Variants in CAPS2 observed in about 807,000 individuals in gnomAD.
CAPS2 encodes the protein calcyphosine 2, also known as calcyphosin-2.
Under a neutral mutation model 86.5 loss-of-function variants are expected in CAPS2, and 98 were observed. The observed-to-expected ratio is 1.13, with a 90% CI of 0.96 to 1.34. The LOEUF is 1.34. Ranked by LOEUF, CAPS2 falls within the 40% of genes most tolerant of loss-of-function variation. The probability of loss-of-function intolerance (pLI) is 0.00; values close to 1 mark genes in which losing one functional copy is unlikely to be tolerated. For synonymous variants in CAPS2, 210 were observed against 225.1 expected (o/e 0.93, Z 0.60); for missense variants, 729 against 686.8 (o/e 1.06, Z -0.69).
chr12:75,329,485 A>T (rs928402697), upstream of CAPS2, among the ~76,000 whole-genome samples: 3 of 150,382 alleles, frequency 2.0e-5, no homozygotes, highest in African/African-American at 4.9e-5. Context: ...CATTTCCCTC[A>T]TTTTTTTTTA....
At chr12:75,380,468 G>A (rs995033711) in intron 1 of CAPS2, among the ~76,000 whole-genome samples, 8 of 151,916 alleles carry the variant, frequency 5.3e-5, no homozygotes, top group African/African-American at 1.9e-4. Context: ...ATATTCACTG[G>A]GTTTGCTTCT....
upstream of CAPS2, chr12:75,334,600 T>A (rs1269782304): frequency 4.1e-6 from 6 of 1,466,008 alleles, no homozygotes; most frequent in African/African-American, 2.8e-5. Context: ...CCAGCCGCGC[T>A]GGGCTCGAGC....
intron 7 of CAPS2, among the ~76,000 whole-genome samples, chr12:75,309,732 G>A (rs1242542092): frequency 6.6e-6 from 1 of 152,172 alleles, no homozygotes; most frequent in Non-Finnish European, 1.5e-5. Flanking sequence ...GTTCATTTGT[G>A]TGCCAAGTTA....
At chr12:75,307,472 A>G (rs2038643544) in intron 7 of CAPS2, among the ~76,000 whole-genome samples, 2 of 152,342 alleles carry the variant, frequency 1.3e-5, no homozygotes, top group South Asian at 2.1e-4. Flanking sequence ...TCAAGGAAAA[A>G]AGATCCAGTG....
At chr12:75,329,885 C>A, upstream of CAPS2, 2 of 1,543,924 alleles carry the variant, frequency 1.3e-6, no homozygotes, top group Non-Finnish European at 1.8e-6. Flanking sequence ...GATTCCTGGA[C>A]AGGACAGGCG....
intron 4 of CAPS2, among the ~76,000 whole-genome samples, chr12:75,322,216 A>C (rs954493091): frequency 6.6e-6 from 1 of 152,164 alleles, no homozygotes; most frequent in Non-Finnish European, 1.5e-5. Context: ...CAGTGACCGA[A>C]ATATTATTTG....
intron 1 of CAPS2, among the ~76,000 whole-genome samples, chr12:75,336,830 C>A (rs566359792): frequency 6.6e-6 from 1 of 151,772 alleles, no homozygotes; most frequent in Non-Finnish European, 1.5e-5. Context: ...AAATTTTTAT[C>A]AAGTATTCAT....
chr12:75,304,615 G>C (rs2038220210), intron 8 of CAPS2, 142 bp downstream of exon 8: 2 of 556,368 alleles, frequency 3.6e-6, no homozygotes, highest in Non-Finnish European at 6.0e-6. Flanking sequence ...AGAACTGGGA[G>C]CTGAACTCAA....
intron 14 of CAPS2, among the ~76,000 whole-genome samples, chr12:75,286,841 G>A (rs1290324201): frequency 1.3e-5 from 2 of 151,532 alleles, no homozygotes; most frequent in African/African-American, 2.4e-5. Flanking sequence ...ATGAGAAAAG[G>A]AGGAAGCATG....
chr12:75,330,790 T>A (rs1348775682), upstream of CAPS2, among the ~76,000 whole-genome samples: 1 of 147,998 alleles, frequency 6.8e-6, no homozygotes, highest in East Asian at 1.9e-4. Flanking sequence ...TTCTTTGCCT[T>A]TTTTTTTTTT....
At chr12:75,370,265 A>C in intron 1 of CAPS2, 1 of 723,576 alleles carries the variant, frequency 1.4e-6, no homozygotes, top group Non-Finnish European at 2.4e-6. Context: ...TTGCTTCTTT[A>C]CTGAATCTTC....
intron 13 of CAPS2, 50 bp from the exon 14 acceptor site, chr12:75,289,825 T>C: frequency 7.6e-7 from 1 of 1,321,236 alleles, no homozygotes; most frequent in Non-Finnish European, 1.1e-6. Context: ...TGCATAAATG[T>C]ATAAAGCCGC....
At chr12:75,341,698 G>A (rs903467932) in intron 1 of CAPS2, among the ~76,000 whole-genome samples, 2 of 151,054 alleles carry the variant, frequency 1.3e-5, no homozygotes, top group African/African-American at 4.9e-5. Flanking sequence ...CGCCCGCATC[G>A]GCCGCCCAAA....
intron 1 of CAPS2, chr12:75,371,466 G>A (rs1169807445): frequency 2.8e-6 from 1 of 357,234 alleles, no homozygotes; most frequent in Non-Finnish European, 5.7e-6. Context: ...ACACACCCAG[G>A]AACAATACTT....
At chr12:75,293,419 ATAAC>A (rs1565805157) in intron 11 of CAPS2, 52 bp from the exon 12 acceptor site, 1 of 1,048,352 alleles carries the variant, frequency 9.5e-7, no homozygotes, top group Non-Finnish European at 1.5e-6. Flanking sequence ...GAAATAAAAT[ATAAC>A]TAACATCAAT....
At chr12:75,321,163 A>G (rs2040260926) in intron 5 of CAPS2, among the ~76,000 whole-genome samples, 1 of 152,124 alleles carries the variant, frequency 6.6e-6, no homozygotes, top group African/African-American at 2.4e-5. Context: ...TGACAAAACT[A>G]TATGGCTATA....
intron 7 of CAPS2, among the ~76,000 whole-genome samples, chr12:75,309,471 CTT>C (rs1265306270): frequency 6.6e-6 from 1 of 152,180 alleles, no homozygotes; most frequent in Admixed American, 6.5e-5. Flanking sequence ...CTGTACACAC[CTT>C]TTAACAATCT....
intron 1 of CAPS2, among the ~76,000 whole-genome samples, chr12:75,388,509 CAT>C (rs1037032869): frequency 3.8e-4 from 58 of 152,238 alleles, no homozygotes; most frequent in Admixed American, 2.7e-3. Context: ...AATTTACACA[CAT>C]ATTACTAAGT....
chr12:75,330,417 A>G (rs2041203397), upstream of CAPS2, among the ~76,000 whole-genome samples: 3 of 152,216 alleles, frequency 2.0e-5, no homozygotes, highest in Non-Finnish European at 4.4e-5. Flanking sequence ...CCCGGCCCGG[A>G]TCCACGGCGG....
Sources: allele counts gnomAD v4.1 joint callset (sites outside exome capture counted in the v4.1 genomes callset), GRCh38; gene constraint gnomAD v4.1.1; transcripts MANE v1.5; gene names NCBI Gene and HGNC (gene_info 2026-07-23, HGNC 2026-07-21).